The following GSE1 variants were observed in gnomAD, a reference collection of about 807,000 sequenced individuals.
GSE1 encodes Gse1 coiled-coil protein.
A neutral mutation model predicts 112.6 loss-of-function variants in GSE1; 32 were observed. That is an observed-to-expected ratio of 0.28 (90% CI 0.21 to 0.38). The LOEUF (loss-of-function observed/expected upper bound fraction) is 0.38, where lower values mean the gene tolerates loss of function less well. Ranked by LOEUF, GSE1 falls within the 10% of genes least tolerant of loss-of-function variation. The probability of loss-of-function intolerance (pLI) is 1.00; values close to 1 mark genes in which losing one functional copy is unlikely to be tolerated. For synonymous variants in GSE1, 1,115 were observed against 735.6 expected, an observed-to-expected ratio of 1.52 and a Z score of -8.35; for missense variants, 2,348 against 1,699.2, an observed-to-expected ratio of 1.38 and a Z score of -6.71.
intron 2 of GSE1, among the ~76,000 whole-genome samples, chr16:85,440,555 G>C (rs1299758686): frequency 6.6e-6 from 1 of 152,250 alleles, no homozygotes; most frequent in Non-Finnish European, 1.5e-5. Flanking sequence ...CTGATCTTCA[G>C]CCGACACTGG....
chr16:85,207,023 C>T (rs1008361546), intron 1 of GSE1, among the ~76,000 whole-genome samples: 2 of 152,252 alleles, frequency 1.3e-5, no homozygotes, highest in African/African-American at 4.8e-5. Flanking sequence ...CATGTTTATT[C>T]TCCAGGCCCA....
intron 2 of GSE1, among the ~76,000 whole-genome samples, chr16:85,439,321 A>C (rs1325278571): frequency 6.6e-6 from 1 of 152,220 alleles, no homozygotes; most frequent in Non-Finnish European, 1.5e-5. Flanking sequence ...AGAGAGGGGC[A>C]GTGGGGGCGG....
rs71151278 is a variant in GSE1 at position 85,331,323 on chromosome 16, CTGTGTGTGTGTGTG to C, written c.2284-26110_2284-26097del. ...ACATGCCACCATGCCCAGCTAATTTCTGTGTGTGTGTGTGTGTGTGTGTGTGTGTGTGTGTGTGT... is the reference window on the plus strand; with the variant it reads ...ACATGCCACCATGCCCAGCTAATTTCTGTGTGTGTGTGTGTGTGTGTGTGT... On this transcript the variant is annotated intron_variant, in intron 1 of 2. Transcript: ENST00000637419. Among the ~76,000 whole-genome samples, 47 of 84,506 alleles carry C rather than the reference CTGTGTGTGTGTGTG, an allele frequency of 5.6e-4. 3 individuals are homozygous for C. The East Asian group carries it at 8.4e-3, about 15-fold the overall frequency. 55.4% of individuals were successfully genotyped at this position (84,506 alleles called of 152,430 possible).
chr16:85,653,684 C>T (rs2051639934), intron 3 of GSE1, among the ~76,000 whole-genome samples: 3 of 152,240 alleles, frequency 2.0e-5, no homozygotes, highest in South Asian at 2.1e-4. Context: ...TTCTGGTGGG[C>T]TCCAGGGCCA....
intron 1 of GSE1, among the ~76,000 whole-genome samples, chr16:85,175,176 C>T (rs1373345742): frequency 6.6e-6 from 1 of 152,326 alleles, no homozygotes; most frequent in Admixed American, 6.5e-5. Flanking sequence ...CCTGCACCTT[C>T]TGCTTTGGAT....
chr16:85,557,207 G>A (rs1211495146), intron 1 of GSE1, among the ~76,000 whole-genome samples: 1 of 152,212 alleles, frequency 6.6e-6, no homozygotes, highest in African/African-American at 2.4e-5. Flanking sequence ...ACCGCGCGCC[G>A]TCACCCCCAC....
intron 6 of GSE1, 117 bp from the exon 7 acceptor site, chr16:85,656,226 G>T: frequency 1.5e-6 from 2 of 1,294,106 alleles, no homozygotes; most frequent in Non-Finnish European, 2.1e-6. Flanking sequence ...CTCACCTCCC[G>T]TCACTGTTCA....
chr16:85,357,635 C>T lies in GSE1; in HGVS notation c.2456C>T (p.Thr819Ile), dbSNP rs995905977. Residue 819 changes from threonine (T) to isoleucine (I), a missense_variant, in exon 2 of 3, where the codon ACT (threonine) becomes ATT (isoleucine). Physicochemically the swap from Thr to Ile is moderately conservative, Grantham distance 89. Coordinates refer to the GSE1 transcript ENST00000637419. ...CGGGAGGAGGACGGACCAGACCTTA[C>T]TGGTGCAGGTAGACGCCAGCTCTTT... 7.0e-6 allele frequency: 9 copies of T among 1,288,800 alleles called. No homozygotes were observed. The Admixed American group carries it at 1.8e-4, about 26-fold the overall frequency. 79.8% of individuals were successfully genotyped at this position (1,288,800 alleles called of 1,614,324 possible). A position where few individuals can be genotyped will look rare whatever the true frequency, so the allele number is the denominator to read the frequency against.
intron 14 of GSE1, among the ~76,000 whole-genome samples, chr16:85,668,991 G>A (rs537798573): frequency 4.9e-4 from 74 of 152,368 alleles, no homozygotes; most frequent in African/African-American, 8.4e-4. Context: ...TCCCACCTGG[G>A]AATGCACACA....
At chr16:85,632,132 G>A (rs1267119512) in intron 1 of GSE1, among the ~76,000 whole-genome samples, 1 of 152,200 alleles carries the variant, frequency 6.6e-6, no homozygotes, top group African/African-American at 2.4e-5. Flanking sequence ...AAGGCAGGAT[G>A]GGGGTGCAGG....
At chr16:85,364,847 C>A (rs1229822662) in intron 2 of GSE1, among the ~76,000 whole-genome samples, 1 of 152,220 alleles carries the variant, frequency 6.6e-6, no homozygotes, top group Non-Finnish European at 1.5e-5. Context: ...TGCCATTCTG[C>A]TGGGCGGTTC....
chr16:85,632,304 A>C (rs2049603893), intron 1 of GSE1, among the ~76,000 whole-genome samples: 1 of 152,088 alleles, frequency 6.6e-6, no homozygotes, highest in Non-Finnish European at 1.5e-5. Context: ...CTCACTGGGG[A>C]GAACAAACGA....
intron 2 of GSE1, among the ~76,000 whole-genome samples, chr16:85,430,749 C>A (rs749276175): frequency 6.6e-6 from 1 of 152,194 alleles, no homozygotes; most frequent in African/African-American, 2.4e-5. Flanking sequence ...GAAATCCTGA[C>A]GTAGGCACAC....
chr16:85,401,777 C>T (rs1384873815), intron 2 of GSE1, among the ~76,000 whole-genome samples: 2 of 152,232 alleles, frequency 1.3e-5, no homozygotes, highest in Non-Finnish European at 2.9e-5. Context: ...CATGCTGCTA[C>T]TGTGGGGGAG....
chr16:85,178,449 C>G (rs2074513090), intron 1 of GSE1, among the ~76,000 whole-genome samples: 1 of 152,014 alleles, frequency 6.6e-6, no homozygotes, highest in African/African-American at 2.4e-5. Flanking sequence ...CAGTGTCAAT[C>G]AATCTGAATT....
In GSE1 at chr16:85,665,466, C is replaced by T. The variant is rs189868604; in HGVS notation, c.2758+338C>T. ...GTACCATCCCAGGAGGGAGGGCGTG[C>T]TCCAGCCTTAGTGCCCGCAGCCTGG... is the stretch of plus-strand genomic sequence containing the variant. On this transcript the variant is annotated intron_variant, in intron 12 of 15. Transcript: ENST00000253458. 2.6e-5 allele frequency among the ~76,000 whole-genome samples: 4 copies of T among 152,344 alleles called. No homozygotes were observed. In the East Asian group the frequency reaches 7.7e-4, roughly 29 times the overall value.
At chr16:85,658,081 C>T (rs990573616) in intron 8 of GSE1, among the ~76,000 whole-genome samples, 40 of 152,212 alleles carry the variant, frequency 2.6e-4, no homozygotes, top group African/African-American at 8.2e-4. Context: ...TGCCCGTTTT[C>T]TAGCCCTTTA....
chr16:85,305,667 G>T (rs2045658952), intron 1 of GSE1, among the ~76,000 whole-genome samples: 1 of 151,560 alleles, frequency 6.6e-6, no homozygotes, highest in South Asian at 2.1e-4. Flanking sequence ...TTTTTAACGG[G>T]GTTTCCCCAT....
chr16:85,235,989 C>CCTGAGG (rs1904607284), intron 1 of GSE1, among the ~76,000 whole-genome samples: 1 of 151,636 alleles, frequency 6.6e-6, no homozygotes, highest in African/African-American at 2.4e-5. Context: ...TGGGCCTGGG[C>CCTGAGG]CTGGGCCTGG....
Sources: allele counts gnomAD v4.1 joint callset (sites outside exome capture counted in the v4.1 genomes callset), GRCh38; gene constraint gnomAD v4.1.1; transcripts MANE v1.5; gene names NCBI Gene and HGNC (gene_info 2026-07-23, HGNC 2026-07-21).